Variants in BNC2 observed in about 807,000 individuals in gnomAD.
The protein encoded by BNC2 is basonuclin zinc finger protein 2, also known as zinc finger protein basonuclin-2.
In BNC2, 20 loss-of-function variants were observed where a neutral mutation model predicts 76.3. That is an observed-to-expected ratio of 0.26 (90% CI 0.18 to 0.38). The LOEUF (loss-of-function observed/expected upper bound fraction) is 0.38. Ranked by LOEUF, BNC2 falls within the 10% of genes least tolerant of loss-of-function variation. The probability of loss-of-function intolerance (pLI) is 1.00; values close to 1 mark genes in which losing one functional copy is unlikely to be tolerated. For missense variants in BNC2, 1,382 were observed against 1,399.8 expected (o/e 0.99, Z 0.20); for synonymous variants, 582 against 514.8 (o/e 1.13, Z -1.77).
At chr9:16,420,582 AG>A (rs1336352165) in intron 6 of BNC2, among the ~76,000 whole-genome samples, 1 of 152,134 alleles carries the variant, frequency 6.6e-6, no homozygotes, top group South Asian at 2.1e-4. Context: ...ACAATAACAT[AG>A]GGTTCCTTTA....
At chr9:16,625,026 G>C (rs12686340) in intron 3 of BNC2, among the ~76,000 whole-genome samples, 1 of 152,184 alleles carries the variant, frequency 6.6e-6, no homozygotes, top group Non-Finnish European at 1.5e-5. Context: ...GCACATTTTA[G>C]AAAGCAGCTT....
chr9:16,476,450 C>T (rs1318488774), intron 5 of BNC2, among the ~76,000 whole-genome samples: 2 of 152,052 alleles, frequency 1.3e-5, no homozygotes, highest in African/African-American at 4.8e-5. Flanking sequence ...CACCATTTTC[C>T]TCATTAATTG....
intron 1 of BNC2, among the ~76,000 whole-genome samples, chr9:16,807,364 A>C (rs1469156399): frequency 6.6e-6 from 1 of 152,248 alleles, no homozygotes; most frequent in Admixed American, 6.5e-5. Flanking sequence ...TCATTTTATT[A>C]ACCCAAATCT....
chr9:16,494,902 C>T (rs578246990), intron 5 of BNC2, among the ~76,000 whole-genome samples: 3 of 152,198 alleles, frequency 2.0e-5, no homozygotes, highest in African/African-American at 7.2e-5. Context: ...ATGGGTGCAG[C>T]AAACTAACGT....
At chr9:16,525,705 G>A (rs1817778138) in intron 5 of BNC2, among the ~76,000 whole-genome samples, 1 of 152,184 alleles carries the variant, frequency 6.6e-6, no homozygotes, top group African/African-American at 2.4e-5. Context: ...CTGATATGAA[G>A]TTGTTTACAA....
chr9:16,499,323 T>C (rs963975768), intron 5 of BNC2, among the ~76,000 whole-genome samples: 9 of 152,130 alleles, frequency 5.9e-5, no homozygotes, highest in Non-Finnish European at 1.3e-4. Flanking sequence ...GGCAGTCTGA[T>C]TCCAGAGCCT....
intron 5 of BNC2, among the ~76,000 whole-genome samples, chr9:16,520,821 C>A (rs1817594585): frequency 6.6e-6 from 1 of 152,176 alleles, no homozygotes; most frequent in African/African-American, 2.4e-5. Context: ...ACTTGAATGA[C>A]TTTATAAATA....
intron 3 of BNC2, among the ~76,000 whole-genome samples, chr9:16,602,089 G>A (rs780512885): frequency 6.6e-6 from 1 of 152,096 alleles, no homozygotes; most frequent in Non-Finnish European, 1.5e-5. Flanking sequence ...CCCCCTTGCA[G>A]GAACTAAATC....
intron 5 of BNC2, among the ~76,000 whole-genome samples, chr9:16,471,959 T>G (rs1288746062): frequency 6.6e-6 from 1 of 152,236 alleles, no homozygotes; most frequent in Non-Finnish European, 1.5e-5. Flanking sequence ...TTTCTGCTTT[T>G]GCTTCTTCCT....
At chr9:16,796,627 G>C (rs549710758) in intron 1 of BNC2, among the ~76,000 whole-genome samples, 2 of 144,282 alleles carry the variant, frequency 1.4e-5, no homozygotes, top group African/African-American at 2.6e-5. Flanking sequence ...GGAAAGGGAA[G>C]GGAAAGGGAA....
At chr9:16,562,851 A>G (rs1206376905) in intron 4 of BNC2, among the ~76,000 whole-genome samples, 1 of 152,170 alleles carries the variant, frequency 6.6e-6, no homozygotes, top group African/African-American at 2.4e-5. Context: ...TTCATAAATA[A>G]GTTATATATT....
intron 5 of BNC2, among the ~76,000 whole-genome samples, chr9:16,519,445 T>A (rs1817547771): frequency 6.6e-6 from 1 of 152,194 alleles, no homozygotes; most frequent in African/African-American, 2.4e-5. Flanking sequence ...AGAGATGTGT[T>A]CCTTTGGACA....
At chr9:16,576,452 ACTT>A (rs761176562) in intron 4 of BNC2, among the ~76,000 whole-genome samples, 10 of 152,318 alleles carry the variant, frequency 6.6e-5, no homozygotes, top group South Asian at 6.2e-4. Context: ...AGACTGGACT[ACTT>A]TAGTTATGCT....
At chr9:16,703,636 G>C (rs1215363368) in intron 3 of BNC2, among the ~76,000 whole-genome samples, 1 of 152,100 alleles carries the variant, frequency 6.6e-6, no homozygotes, top group African/African-American at 2.4e-5. Context: ...AGAAGAACAA[G>C]CCATCATACA....
Position 16,858,739 on chromosome 9 carries a change from G to A in BNC2, c.3+11907C>T, listed in dbSNP as rs544961120. Among the ~76,000 whole-genome samples the A allele has an allele frequency of 2.8e-3, 424 of 152,016 alleles. 3 individuals carry two copies. The highest frequency in any genetic ancestry group is 9.9e-3 in the African/African-American group (410 of 41,462). On this transcript the variant is annotated intron_variant, in intron 1 of 6. Transcript: ENST00000380672. ...CGGGTGCCTGTAGTCCCAGCTACTCGGGAGGCTGAGGCAGGAGAATGGCGT... is the reference window on the plus strand; with the variant it reads ...CGGGTGCCTGTAGTCCCAGCTACTCAGGAGGCTGAGGCAGGAGAATGGCGT...
chr9:16,588,878 T>C (rs1819842311), intron 3 of BNC2, among the ~76,000 whole-genome samples: 1 of 152,152 alleles, frequency 6.6e-6, no homozygotes, highest in African/African-American at 2.4e-5. Flanking sequence ...TTTCAGTAAA[T>C]ATATAGGGTA....
intron 6 of BNC2, among the ~76,000 whole-genome samples, chr9:16,427,254 C>G (rs942116708): frequency 3.9e-5 from 6 of 152,190 alleles, no homozygotes; most frequent in African/African-American, 1.4e-4. Context: ...GCTCTGCAGT[C>G]TATTAGTGAA....
chr9:16,831,503 T>C (rs1463974660), intron 1 of BNC2, among the ~76,000 whole-genome samples: 1 of 152,214 alleles, frequency 6.6e-6, no homozygotes, highest in African/African-American at 2.4e-5. Context: ...AAATAATGCG[T>C]TGACTCTCAT....
intron 3 of BNC2, among the ~76,000 whole-genome samples, chr9:16,648,952 A>C (rs2133927859): frequency 6.6e-6 from 1 of 152,304 alleles, no homozygotes; most frequent in South Asian, 2.1e-4. Flanking sequence ...TTGAGTTAAA[A>C]CCAATGATAT....
Sources: gnomAD v4.1 joint callset for allele counts (sites outside exome capture counted in the v4.1 genomes callset) on GRCh38, gnomAD v4.1.1 for gene constraint, MANE v1.5 for transcripts, NCBI Gene and HGNC (gene_info 2026-07-23, HGNC 2026-07-21) for gene names.